Variants in IGSF11 observed in about 807,000 individuals in gnomAD.
IGSF11 encodes the protein immunoglobulin superfamily member 11, also known as CXADR like 1.
Under a neutral mutation model 41.0 loss-of-function variants are expected in IGSF11, and 22 were observed. The ratio of observed to expected loss-of-function variants is 0.54; its 90% CI spans 0.38 to 0.77. The LOEUF (loss-of-function observed/expected upper bound fraction) is 0.77, where lower values mean the gene tolerates loss of function less well. IGSF11 is among the 30% of genes least tolerant of loss of function. The probability of loss-of-function intolerance (pLI) is 0.00; values close to 1 mark genes in which losing one functional copy is unlikely to be tolerated. For synonymous variants in IGSF11, 219 were observed against 201.3 expected (o/e 1.09, Z -0.74); for missense variants, 444 against 530.8 (o/e 0.84, Z 1.61).
At position 119,091,118 on chromosome 3, in the gene IGSF11, A is replaced by G. The variant is rs141548187; in HGVS notation, c.49+14026T>C. Among the ~76,000 whole-genome samples the G allele has an allele frequency of 1.9e-4, 29 of 152,322 alleles. No individual in the cohort carries two copies. In the East Asian group the frequency reaches 5.2e-3, roughly 27 times the overall value. ...ACATGAAAAAATGCTCAGCATCACTAGTCATCAGAGAAATGACAATCAAAA... is the reference window on the plus strand; with the variant it reads ...ACATGAAAAAATGCTCAGCATCACTGGTCATCAGAGAAATGACAATCAAAA... On this transcript the variant is annotated intron_variant, in intron 1 of 6. Coordinates refer to the IGSF11 transcript ENST00000354673.
Position 118,927,639 on chromosome 3 carries a change from G to A in IGSF11, c.424+870C>T, listed in dbSNP as rs75988719. Among the ~76,000 whole-genome samples the A allele has an allele frequency of 2.1e-3, 324 of 152,210 alleles. 9 individuals are homozygous for A. In the East Asian group the frequency reaches 0.038, roughly 18 times the overall value. On this transcript the variant is annotated intron_variant, in intron 3 of 6. Transcript: ENST00000393775. ...CAACAACGAAGGAAAAAGAAAGCGG[G>A]GGTGGAGTTTGACAAGGACTGCGGG...
intron 1 of IGSF11, among the ~76,000 whole-genome samples, chr3:118,931,165 G>C (rs1942818258): frequency 6.6e-6 from 1 of 152,152 alleles, no homozygotes; most frequent in Non-Finnish European, 1.5e-5. Context: ...TAATTTGATA[G>C]TAATATGCCA....
intron 1 of IGSF11, among the ~76,000 whole-genome samples, chr3:118,957,337 T>C (rs1212382245): frequency 1.3e-5 from 2 of 152,022 alleles, no homozygotes; most frequent in African/African-American, 2.4e-5. Flanking sequence ...CAGAAAAAAA[T>C]GTTTAATCTA....
chr3:119,074,713 A>C (rs1391778698), intron 1 of IGSF11, among the ~76,000 whole-genome samples: 1 of 151,878 alleles, frequency 6.6e-6, no homozygotes, highest in Non-Finnish European at 1.5e-5. Flanking sequence ...TTAGCCGGGC[A>C]TGGTGGCAGG....
At chr3:119,047,964 G>C (rs538512888) in intron 1 of IGSF11, among the ~76,000 whole-genome samples, 1 of 152,172 alleles carries the variant, frequency 6.6e-6, no homozygotes, top group South Asian at 2.1e-4. Context: ...ACAAAGACAT[G>C]ACATACCAGA....
chr3:119,099,249 T>C (rs554232315), intron 1 of IGSF11, among the ~76,000 whole-genome samples: 1 of 152,164 alleles, frequency 6.6e-6, no homozygotes, highest in Non-Finnish European at 1.5e-5. Flanking sequence ...CACAAAGAGT[T>C]CTCAATTCAA....
chr3:118,905,745 G>C (rs1448717200), intron 4 of IGSF11, 27 bp from the exon 5 acceptor site: 2 of 1,612,310 alleles, frequency 1.2e-6, no homozygotes, highest in African/African-American at 2.7e-5. Context: ...AACCGAGTGA[G>C]GATTTGGCGG....
chr3:119,055,920 C>T (rs1255187443), intron 1 of IGSF11, among the ~76,000 whole-genome samples: 1 of 151,938 alleles, frequency 6.6e-6, no homozygotes, highest in Admixed American at 6.6e-5. Context: ...TCTTTGAAAC[C>T]AATAAGAAAA....
intron 1 of IGSF11, among the ~76,000 whole-genome samples, chr3:119,021,919 A>G (rs954214958): frequency 7.9e-5 from 12 of 152,200 alleles, no homozygotes; most frequent in Admixed American, 7.9e-4. Flanking sequence ...TTTACAACAC[A>G]TATAAACAAT....
intron 4 of IGSF11, among the ~76,000 whole-genome samples, chr3:118,907,198 A>G (rs950441083): frequency 1.3e-5 from 2 of 152,214 alleles, no homozygotes; most frequent in African/African-American, 2.4e-5. Flanking sequence ...TCTGCTGGCA[A>G]TCATCATCTC....
At chr3:119,141,088 G>A (rs2077642601) in intron 1 of IGSF11, among the ~76,000 whole-genome samples, 1 of 139,940 alleles carries the variant, frequency 7.1e-6, no homozygotes, top group African/African-American at 2.6e-5. Context: ...CAATCACAGT[G>A]AAATTAAAAG....
chr3:119,094,756 C>A (rs528322570), intron 1 of IGSF11, among the ~76,000 whole-genome samples: 1 of 151,280 alleles, frequency 6.6e-6, no homozygotes, highest in African/African-American at 2.4e-5. Context: ...ACTGCAACCT[C>A]CGCCTCCCAG....
chr3:119,056,953 G>C (rs566475623), intron 1 of IGSF11, among the ~76,000 whole-genome samples: 1 of 152,228 alleles, frequency 6.6e-6, no homozygotes, highest in East Asian at 1.9e-4. Context: ...CAATAAATTA[G>C]GTATTGATGG....
Position 118,930,246 on chromosome 3 carries a change from T to G in IGSF11, c.82A>C (p.Ser28Arg), listed in dbSNP as rs1322909668. Reference sequence around the variant, plus strand: ...CGGGCCACCTGGATACTCCCAGGGCTCTCTGACACTTCCAGGGATGCTGCA... The same window carrying G: ...CGGGCCACCTGGATACTCCCAGGGCGCTCTGACACTTCCAGGGATGCTGCA... ...GVAASLEVSESPGSIQVARGQ... is the reference protein window; with the variant it reads ...GVAASLEVSERPGSIQVARGQ... Residue 28 changes from serine (S) to arginine (R), a missense_variant, in exon 2 of 7, where the codon AGC becomes CGC. Around this residue, in one of 3 missense-constraint regions of IGSF11, gnomAD observed 193 missense variants for 283.5 expected, o/e 0.68. Coordinates refer to ENST00000393775, the MANE Select transcript of IGSF11 (RefSeq NM_001015887.3). The G allele has an allele frequency of 6.2e-7, 1 of 1,613,180 alleles. No individual in the cohort carries two copies. The highest frequency in any genetic ancestry group is 8.5e-7 in the Non-Finnish European group (1 of 1,179,524).
At chr3:119,129,068 C>G (rs1465889658) in intron 1 of IGSF11, among the ~76,000 whole-genome samples, 2 of 152,154 alleles carry the variant, frequency 1.3e-5, no homozygotes, top group African/African-American at 4.8e-5. Context: ...GAACAGAAAA[C>G]CAAACACCGC....
chr3:119,029,859 C>T (rs897745680), intron 1 of IGSF11, among the ~76,000 whole-genome samples: 31 of 152,204 alleles, frequency 2.0e-4, no homozygotes, highest in Admixed American at 1.4e-3. Context: ...GTTACATTCA[C>T]AAAGTCATAT....
intron 1 of IGSF11, among the ~76,000 whole-genome samples, chr3:118,960,234 G>C (rs1945253698): frequency 6.6e-6 from 1 of 151,848 alleles, no homozygotes; most frequent in Non-Finnish European, 1.5e-5. Flanking sequence ...TATATACCAA[G>C]AAAAAAATCA....
chr3:119,016,733 A>G (rs1055948043), intron 1 of IGSF11, among the ~76,000 whole-genome samples: 2 of 152,102 alleles, frequency 1.3e-5, no homozygotes, highest in East Asian at 3.8e-4. Flanking sequence ...TCCTTTCCAC[A>G]CGACTATTTC....
chr3:119,132,378 C>CAA (rs58700219), intron 1 of IGSF11, among the ~76,000 whole-genome samples: 7 of 39,792 alleles, frequency 1.8e-4, no homozygotes, highest in African/African-American at 6.7e-4. Context: ...AAACAGAAAG[C>CAA]AAAAAAAAAA....
Sources: allele counts gnomAD v4.1 joint callset (sites outside exome capture counted in the v4.1 genomes callset), GRCh38; gene constraint gnomAD v4.1.1; regional missense constraint gnomAD v4.1.1; transcripts MANE v1.5; gene names NCBI Gene and HGNC (gene_info 2026-07-23, HGNC 2026-07-21).